DLGAP1: variants seen among roughly 807,000 people sequenced by gnomAD.
The protein encoded by DLGAP1 is disks large-associated protein 1.
DLGAP1 carries 11 observed loss-of-function variants against 90.8 expected under a neutral mutation model. The ratio of observed to expected loss-of-function variants is 0.12; its 90% CI spans 0.08 to 0.20. The LOEUF is 0.20. DLGAP1 is among the 10% of genes least tolerant of loss of function. DLGAP1 has a pLI of 1.00. For synonymous variants in DLGAP1, 558 were observed against 540.7 expected (o/e 1.03, Z -0.44); for missense variants, 1,050 against 1,333.8 (o/e 0.79, Z 3.31).
intron 11 of DLGAP1, among the ~76,000 whole-genome samples, chr18:3,504,103 A>G (rs188085907): frequency 6.7e-6 from 1 of 149,306 alleles, no homozygotes; most frequent in Non-Finnish European, 1.5e-5. Context: ...TCTCAAAAAT[A>G]AATAAATAAA....
intron 3 of DLGAP1, among the ~76,000 whole-genome samples, chr18:3,974,705 C>A (rs745610872): frequency 4.6e-5 from 7 of 151,822 alleles, no homozygotes; most frequent in Non-Finnish European, 1.0e-4. Flanking sequence ...GTCAAAAGAC[C>A]TAACATAAAA....
chr18:4,129,169 T>C (rs1331701609), intron 2 of DLGAP1, among the ~76,000 whole-genome samples: 2 of 152,150 alleles, frequency 1.3e-5, no homozygotes, highest in Non-Finnish European at 2.9e-5. Context: ...TAGTGCTCAC[T>C]GCATGAAGCA....
At chr18:3,619,711 A>C (rs1465441581) in intron 7 of DLGAP1, among the ~76,000 whole-genome samples, 1 of 146,278 alleles carries the variant, frequency 6.8e-6, no homozygotes, top group Middle Eastern at 3.9e-3. Flanking sequence ...ACTTAGCGTC[A>C]TGCAAATCCT....
intron 2 of DLGAP1, among the ~76,000 whole-genome samples, chr18:4,076,443 C>T (rs2075524060): frequency 6.6e-6 from 1 of 151,966 alleles, no homozygotes; most frequent in Non-Finnish European, 1.5e-5. Flanking sequence ...ATCCCTAATG[C>T]AAAAGAATTA....
chr18:4,344,527 T>C (rs1267775451), intron 1 of DLGAP1, among the ~76,000 whole-genome samples: 1 of 152,246 alleles, frequency 6.6e-6, no homozygotes, highest in African/African-American at 2.4e-5. Flanking sequence ...GAGAAACTTA[T>C]GTCCTCATAG....
chr18:3,628,612 T>C (rs868046542), intron 7 of DLGAP1, among the ~76,000 whole-genome samples: 1 of 152,214 alleles, frequency 6.6e-6, no homozygotes, highest in Non-Finnish European at 1.5e-5. Flanking sequence ...ACCCCTCCTA[T>C]CCCAGAAGTA....
chr18:3,599,018 C>T (rs962966641), intron 7 of DLGAP1, among the ~76,000 whole-genome samples: 1 of 152,090 alleles, frequency 6.6e-6, no homozygotes, highest in African/African-American at 2.4e-5. Context: ...AAGTGATCTG[C>T]CCCCTTCAGC....
intron 1 of DLGAP1, among the ~76,000 whole-genome samples, chr18:4,348,443 T>TGTGTGTGTGTGTGTGTGTGTGTGTGA: frequency 6.7e-6 from 1 of 148,390 alleles, no homozygotes. Flanking sequence ...TGTGTGTGTG[T>TGTGTGTGTGTGTGTGTGTGTGTGTGA]ACAAACTGAC....
chr18:3,901,632 C>T (rs555876166), intron 3 of DLGAP1, among the ~76,000 whole-genome samples: 76 of 152,190 alleles, frequency 5.0e-4, no homozygotes, highest in Admixed American at 1.2e-3. Context: ...CCTACATCCT[C>T]ATGGGTGGCA....
chr18:4,283,064 T>A (rs1039613003), intron 1 of DLGAP1, among the ~76,000 whole-genome samples: 3 of 152,164 alleles, frequency 2.0e-5, no homozygotes, highest in African/African-American at 7.2e-5. Context: ...AAGAAGTAGA[T>A]TGCAGGCTCA....
At chr18:3,803,301 A>G (rs1419481817) in intron 5 of DLGAP1, among the ~76,000 whole-genome samples, 3 of 152,142 alleles carry the variant, frequency 2.0e-5, no homozygotes, top group African/African-American at 2.4e-5. Flanking sequence ...CTAAAACTCC[A>G]ACACAATCTT....
intron 1 of DLGAP1, among the ~76,000 whole-genome samples, chr18:4,296,936 C>T (rs184062197): frequency 7.7e-4 from 117 of 152,286 alleles, no homozygotes; most frequent in African/African-American, 2.6e-3. Context: ...CCAAATAGCA[C>T]TTCCCCAGAA....
chr18:3,551,935 C>T (rs1405055811), intron 9 of DLGAP1, among the ~76,000 whole-genome samples: 2 of 150,520 alleles, frequency 1.3e-5, no homozygotes, highest in East Asian at 3.9e-4. Context: ...GCCGCCATCA[C>T]ACTTGGCTAA....
chr18:3,887,541 G>A (rs1040134943), intron 3 of DLGAP1, among the ~76,000 whole-genome samples: 1 of 152,132 alleles, frequency 6.6e-6, no homozygotes, highest in Admixed American at 6.5e-5. Context: ...ACCAAGAGAG[G>A]AGGACAATGT....
chr18:3,832,961 T>G (rs1241603396), intron 4 of DLGAP1, among the ~76,000 whole-genome samples: 2 of 152,152 alleles, frequency 1.3e-5, no homozygotes, highest in Non-Finnish European at 2.9e-5. Flanking sequence ...TGCTCCTGGA[T>G]GTAAATTTTG....
intron 2 of DLGAP1, among the ~76,000 whole-genome samples, chr18:4,038,054 A>G (rs1199961480): frequency 1.3e-5 from 2 of 152,154 alleles, no homozygotes; most frequent in African/African-American, 4.8e-5. Context: ...TCTATAATCA[A>G]TTTGCTCACT....
chr18:3,911,840 C>A (rs918953134), intron 3 of DLGAP1, among the ~76,000 whole-genome samples: 1 of 152,210 alleles, frequency 6.6e-6, no homozygotes, highest in Admixed American at 6.5e-5. Context: ...ATAGGCTCAG[C>A]ATGTGCCAGA....
chr18:4,247,152 T>A (rs543792221), intron 1 of DLGAP1, among the ~76,000 whole-genome samples: 3 of 152,264 alleles, frequency 2.0e-5, no homozygotes, highest in Non-Finnish European at 2.9e-5. Context: ...ACAATAGTAT[T>A]ACTATATTAC....
chr18:4,397,870 G>A (rs2082472375), intron 1 of DLGAP1, among the ~76,000 whole-genome samples: 1 of 152,088 alleles, frequency 6.6e-6, no homozygotes, highest in African/African-American at 2.4e-5. Flanking sequence ...ATTTTTATCT[G>A]CCTAATAAGA....
Sources: allele counts gnomAD v4.1 joint callset (sites outside exome capture counted in the v4.1 genomes callset), GRCh38; gene constraint gnomAD v4.1.1; transcripts MANE v1.5; gene names NCBI Gene and HGNC (gene_info 2026-07-23, HGNC 2026-07-21).